The following GLMN variants were observed in gnomAD, a reference collection of about 807,000 sequenced individuals.
The protein encoded by GLMN is glomulin, FKBP associated protein.
GLMN carries 75 observed loss-of-function variants against 87.8 expected under a neutral mutation model. The observed-to-expected ratio is 0.85, with a 90% CI of 0.71 to 1.04. GLMN has a LOEUF of 1.04. Ranked by LOEUF, GLMN falls within the 50% of genes least tolerant of loss-of-function variation. GLMN has a pLI of 0.00. For missense variants in GLMN, 588 were observed against 658.8 expected, an observed-to-expected ratio of 0.89 and a Z score of 1.18; for synonymous variants, 206 against 221.6, an observed-to-expected ratio of 0.93 and a Z score of 0.63.
At chr1:92,323,794 T>A in the GLMN span, 1 of 1,614,034 alleles carries the variant, frequency 6.2e-7, no homozygotes, top group Non-Finnish European at 8.5e-7. Flanking sequence ...TGAACTTCCT[T>A]TACAGAAAGT....
chr1:92,261,807 CA>C (rs1655074395), intron 16 of GLMN, among the ~76,000 whole-genome samples: 2 of 84,830 alleles, frequency 2.4e-5, no homozygotes, highest in African/African-American at 8.6e-5. Flanking sequence ...TGAAATACAT[CA>C]AAAAATAGAC....
At chr1:92,366,445 GGCCCA>G in the GLMN span, among the ~76,000 whole-genome samples, 1 of 152,146 alleles carries the variant, frequency 6.6e-6, no homozygotes, top group Non-Finnish European at 1.5e-5. Context: ...CTATGCATGT[GGCCCA>G]GTCCATGTTA....
At chr1:92,271,927 A>G (rs1404333259) in intron 7 of GLMN, among the ~76,000 whole-genome samples, 2 of 152,136 alleles carry the variant, frequency 1.3e-5, no homozygotes, top group African/African-American at 4.8e-5. Flanking sequence ...AATCAGGTAT[A>G]TTTTTAAAGG....
At chr1:92,286,462 T>G (rs763559948) in intron 7 of GLMN, 28 bp downstream of exon 7, 1 of 1,004,836 alleles carries the variant, frequency 1.0e-6, no homozygotes, top group Non-Finnish European at 1.6e-6. Context: ...CATTTAAGAT[T>G]ATAGCAGATT....
At chr1:92,367,186 G>C in the GLMN span, among the ~76,000 whole-genome samples, 14 of 152,168 alleles carry the variant, frequency 9.2e-5, no homozygotes, top group Non-Finnish European at 1.6e-4. Flanking sequence ...AAAGTGACTG[G>C]ATAGGTTGCA....
chr1:92,308,714 C>G, the GLMN span, among the ~76,000 whole-genome samples: 5 of 152,182 alleles, frequency 3.3e-5, no homozygotes, highest in Non-Finnish European at 5.9e-5. Flanking sequence ...AATCCCAACA[C>G]TTTGAGAAGC....
the GLMN span, among the ~76,000 whole-genome samples, chr1:92,366,242 G>T: frequency 6.6e-6 from 1 of 152,172 alleles, no homozygotes; most frequent in South Asian, 2.1e-4. Flanking sequence ...GTTTGAGGCT[G>T]CAGTGAGCTG....
At chr1:92,302,397 A>G (rs1255677772), upstream of GLMN, among the ~76,000 whole-genome samples, 2 of 151,510 alleles carry the variant, frequency 1.3e-5, no homozygotes, top group East Asian at 3.9e-4. Flanking sequence ...CAGTCTGCTA[A>G]TATCACTTGA....
At chr1:92,278,177 A>G (rs1336582594) in intron 7 of GLMN, among the ~76,000 whole-genome samples, 1 of 152,142 alleles carries the variant, frequency 6.6e-6, no homozygotes, top group Non-Finnish European at 1.5e-5. Context: ...GGAGAAACTG[A>G]GTTTGGTTTT....
At chr1:92,360,838 T>C in the GLMN span, among the ~76,000 whole-genome samples, 1 of 152,134 alleles carries the variant, frequency 6.6e-6, no homozygotes, top group Non-Finnish European at 1.5e-5. Flanking sequence ...TACTGTATTA[T>C]TAGTTTCATT....
chr1:92,273,430 A>C (rs1656454842), intron 7 of GLMN, among the ~76,000 whole-genome samples: 1 of 150,472 alleles, frequency 6.6e-6, no homozygotes, highest in African/African-American at 2.4e-5. Context: ...TTTCCAGAGT[A>C]AGGTAGCCCT....
chr1:92,264,459 G>GAGAT, intron 14 of GLMN, 95 bp downstream of exon 14: 1 of 692,600 alleles, frequency 1.4e-6, no homozygotes, highest in Non-Finnish European at 2.6e-6. Flanking sequence ...AGTAATACTA[G>GAGAT]AGATAGAGCA....
chr1:92,283,830 A>G (rs1648390269), intron 7 of GLMN, among the ~76,000 whole-genome samples: 1 of 152,176 alleles, frequency 6.6e-6, no homozygotes, highest in Admixed American at 6.5e-5. Context: ...CCAATAATAG[A>G]CAAACAGAGA....
At chr1:92,328,316 A>G in the GLMN span, among the ~76,000 whole-genome samples, 1 of 152,202 alleles carries the variant, frequency 6.6e-6, no homozygotes, top group African/African-American at 2.4e-5. Context: ...TTTGTTTGAC[A>G]TAATCCCAAA....
At chr1:92,292,733 T>C (rs1434249549) in intron 3 of GLMN, among the ~76,000 whole-genome samples, 1 of 70,664 alleles carries the variant, frequency 1.4e-5, no homozygotes, top group Non-Finnish European at 3.9e-5. Context: ...TTTTCTTTTC[T>C]TTTTTTTTTT....
At chr1:92,354,194 C>T in the GLMN span, among the ~76,000 whole-genome samples, 1 of 152,114 alleles carries the variant, frequency 6.6e-6, no homozygotes, top group African/African-American at 2.4e-5. Context: ...TGATTGAGCT[C>T]CCTGAGAGCT....
the GLMN span, among the ~76,000 whole-genome samples, chr1:92,342,002 T>C: frequency 6.6e-6 from 1 of 152,226 alleles, no homozygotes; most frequent in African/African-American, 2.4e-5. Flanking sequence ...TTATTTGAGC[T>C]AGCTCCTTTG....
At chr1:92,323,050 T>TTATATATATACTTTATATATATATTTATA in the GLMN span, among the ~76,000 whole-genome samples, 1 of 146,436 alleles carries the variant, frequency 6.8e-6, no homozygotes, top group Non-Finnish European at 1.5e-5. Flanking sequence ...ATCTTTATAT[T>TTATATATATACTTTATATATATATTTATA]TATATATATA....
the GLMN span, among the ~76,000 whole-genome samples, chr1:92,350,851 G>A: frequency 6.6e-6 from 1 of 152,096 alleles, no homozygotes; most frequent in East Asian, 1.9e-4. Flanking sequence ...AAAATCACTT[G>A]AACCCAGGAG....
Sources: gnomAD v4.1 joint callset for allele counts (sites outside exome capture counted in the v4.1 genomes callset) on GRCh38, gnomAD v4.1.1 for gene constraint, MANE v1.5 for transcripts, NCBI Gene and HGNC (gene_info 2026-07-23, HGNC 2026-07-21) for gene names.